Variants in SLC14A2 observed in about 807,000 individuals in gnomAD.
SLC14A2 encodes the protein solute carrier family 14 member 2.
SLC14A2 carries 91 observed loss-of-function variants against 104.6 expected under a neutral mutation model. The observed-to-expected ratio is 0.87, with a 90% CI of 0.73 to 1.04. SLC14A2 has a LOEUF of 1.04. Among genes scored for constraint, SLC14A2 ranks in the 50% least tolerant of loss-of-function variants. The pLI, the probability that SLC14A2 is intolerant of heterozygous loss-of-function variation, is 0.00. For synonymous variants in SLC14A2, 476 were observed against 466.4 expected (o/e 1.02, Z -0.27); for missense variants, 1,189 against 1,156.0 (o/e 1.03, Z -0.41).
chr18:45,251,040 A>G (rs1291690904), intron 1 of SLC14A2, among the ~76,000 whole-genome samples: 1 of 152,050 alleles, frequency 6.6e-6, no homozygotes, highest in Admixed American at 6.6e-5. Context: ...TTAATTTTTT[A>G]TTTCCATAGG....
chr18:45,456,688 G>T (rs1367841867), intron 1 of SLC14A2, among the ~76,000 whole-genome samples: 9 of 151,548 alleles, frequency 5.9e-5, no homozygotes, highest in African/African-American at 1.5e-4. Flanking sequence ...TGTGATGAAA[G>T]TTCACCTTCC....
chr18:45,670,266 GTTTT>G (rs1490854970), intron 16 of SLC14A2, among the ~76,000 whole-genome samples: 1 of 152,142 alleles, frequency 6.6e-6, no homozygotes, highest in Non-Finnish European at 1.5e-5. Context: ...AGCTTTTAAA[GTTTT>G]TTTTAATAAG....
chr18:45,606,160 A>G (rs2044863701), intron 2 of SLC14A2, among the ~76,000 whole-genome samples: 1 of 152,086 alleles, frequency 6.6e-6, no homozygotes, highest in African/African-American at 2.4e-5. Flanking sequence ...CTCCTGGGCT[A>G]TTTGAAATCC....
At position 45,414,297 on chromosome 18, in the gene SLC14A2, C is replaced by T. The variant is rs80287832; in HGVS notation, c.-124-68936C>T. 9.3e-3 allele frequency among the ~76,000 whole-genome samples: 1,418 copies of T among 152,292 alleles called. 14 individuals are homozygous for T. Among genetic ancestry groups the T allele is most frequent in the Non-Finnish European group, 0.011 (778 of 68,024 alleles). On this transcript the variant is annotated intron_variant, in intron 1 of 20. Coordinates refer to the SLC14A2 transcript ENST00000586448. The stretch of plus-strand genomic sequence containing the variant: ...CTGAGGTACAGTGCATGAAGTTCAA[C>T]TAAAACCTCACCTTGGGTGATTCTC...
intron 1 of SLC14A2, among the ~76,000 whole-genome samples, chr18:45,465,443 C>T (rs1031789605): frequency 1.3e-5 from 2 of 152,228 alleles, no homozygotes; most frequent in Non-Finnish European, 2.9e-5. Context: ...AGGCCCAGGA[C>T]AGGGCAGTGA....
chr18:45,537,914 G>T (rs2043820545), intron 2 of SLC14A2, among the ~76,000 whole-genome samples: 1 of 152,180 alleles, frequency 6.6e-6, no homozygotes, highest in Admixed American at 6.5e-5. Context: ...AGAGGTCTGG[G>T]TTGGAAATAA....
Position 45,297,091 on chromosome 18 carries a change from A to G in SLC14A2, c.-125+83900A>G, listed in dbSNP as rs563088713. ...AAGAAGGAAAGAAGGTTGGAAGATG[A>G]ATAAGAAGCTGTATCATTGGCAAAT... On this transcript the variant is annotated intron_variant, in intron 1 of 20. Transcript: ENST00000586448. 3.3e-5 allele frequency among the ~76,000 whole-genome samples: 5 copies of G among 152,342 alleles called. No individual in the cohort carries two copies. In the South Asian group the frequency reaches 1.0e-3, roughly 32 times the overall value.
chr18:45,577,087 T>C (rs979951479), intron 2 of SLC14A2, among the ~76,000 whole-genome samples: 3 of 151,988 alleles, frequency 2.0e-5, no homozygotes, highest in Non-Finnish European at 4.4e-5. Flanking sequence ...AAAGAGGTAG[T>C]TGGGGCACAG....
chr18:45,303,632 G>T (rs552367208), intron 1 of SLC14A2, among the ~76,000 whole-genome samples: 2 of 152,172 alleles, frequency 1.3e-5, no homozygotes, highest in Non-Finnish European at 2.9e-5. Flanking sequence ...TTCTTCCACA[G>T]TGACTTGTAT....
intron 1 of SLC14A2, among the ~76,000 whole-genome samples, chr18:45,288,802 C>A (rs8082844): frequency 0.1 from 15,773 of 152,248 alleles, 1,001 homozygotes; most frequent in African/African-American, 0.16. Context: ...CCAGTCCCCG[C>A]CTGCCTCCCT....
At chr18:45,343,246 C>T (rs545493775) in intron 1 of SLC14A2, among the ~76,000 whole-genome samples, 1 of 151,174 alleles carries the variant, frequency 6.6e-6, no homozygotes, top group Non-Finnish European at 1.5e-5. Flanking sequence ...GTGTCTCTCT[C>T]TCAGCTCTGA....
intron 1 of SLC14A2, among the ~76,000 whole-genome samples, chr18:45,433,084 A>G (rs956846529): frequency 6.6e-6 from 1 of 151,992 alleles, no homozygotes; most frequent in Non-Finnish European, 1.5e-5. Context: ...CCTCAAAACA[A>G]TTATCTACCT....
intron 2 of SLC14A2, among the ~76,000 whole-genome samples, chr18:45,585,053 A>T (rs1156903332): frequency 1.3e-5 from 2 of 152,156 alleles, no homozygotes; most frequent in Non-Finnish European, 2.9e-5. Flanking sequence ...TGGAAATTAG[A>T]TCATGACACC....
At chr18:45,229,293 G>A (rs2084151301) in intron 1 of SLC14A2, among the ~76,000 whole-genome samples, 1 of 152,142 alleles carries the variant, frequency 6.6e-6, no homozygotes, top group Non-Finnish European at 1.5e-5. Flanking sequence ...CCAGAAGTCA[G>A]ACGCTAATAA....
chr18:45,268,064 C>G (rs781120497), intron 1 of SLC14A2, among the ~76,000 whole-genome samples: 4 of 152,128 alleles, frequency 2.6e-5, no homozygotes, highest in Admixed American at 6.6e-5. Flanking sequence ...GTGCATTCAT[C>G]TCCATTTGTT....
intron 1 of SLC14A2, among the ~76,000 whole-genome samples, chr18:45,437,118 G>A (rs779640577): frequency 3.3e-5 from 5 of 152,228 alleles, no homozygotes; most frequent in African/African-American, 4.8e-5. Context: ...ACGCACGCAT[G>A]AGTGCGCATC....
chr18:45,654,744 C>T (rs2045802668), intron 10 of SLC14A2, among the ~76,000 whole-genome samples: 1 of 152,168 alleles, frequency 6.6e-6, no homozygotes. Flanking sequence ...TGTCCTAACT[C>T]ATAACCCTGA....
chr18:45,431,496 T>A (rs1163463365), intron 1 of SLC14A2, among the ~76,000 whole-genome samples: 1 of 152,216 alleles, frequency 6.6e-6, no homozygotes, highest in African/African-American at 2.4e-5. Flanking sequence ...GTGCAGTGCC[T>A]AGCATATGGT....
intron 17 of SLC14A2, 93 bp from the exon 18 acceptor site, chr18:45,673,590 C>A: frequency 7.2e-7 from 1 of 1,394,798 alleles, no homozygotes; most frequent in Non-Finnish European, 9.9e-7. Context: ...AGATAACTGG[C>A]TCCGGGCTTT....
Sources: gnomAD v4.1 joint callset for allele counts (sites outside exome capture counted in the v4.1 genomes callset) on GRCh38, gnomAD v4.1.1 for gene constraint, MANE v1.5 for transcripts, NCBI Gene and HGNC (gene_info 2026-07-23, HGNC 2026-07-21) for gene names.